The following SPRY3 variants were observed in gnomAD, a reference collection of about 807,000 sequenced individuals.
The protein encoded by SPRY3 is sprouty RTK signaling antagonist 3.
SPRY3 carries 15 observed loss-of-function variants against 20.2 expected under a neutral mutation model. The observed-to-expected ratio is 0.74, with a 90% CI of 0.50 to 1.14. SPRY3 has a LOEUF of 1.14. Ranked by LOEUF, SPRY3 falls within the 50% of genes most tolerant of loss-of-function variation. The pLI is 0.00. For synonymous variants in SPRY3, 143 were observed against 136.5 expected, an observed-to-expected ratio of 1.05 and a Z score of -0.33; for missense variants, 364 against 363.9, an observed-to-expected ratio of 1.00 and a Z score of 0.00.
intron 2 of SPRY3, among the ~76,000 whole-genome samples, chrX:155,755,052 A>C (rs1377494978): frequency 7.0e-6 from 1 of 143,478 alleles, no homozygotes; most frequent in African/African-American, 3.0e-5. Context: ...TTTTGTGTGC[A>C]TACTCACACG....
At chrX:155,742,823 C>T (rs764159130) in intron 2 of SPRY3, among the ~76,000 whole-genome samples, 1 of 152,214 alleles carries the variant, frequency 6.6e-6, no homozygotes, top group Non-Finnish European at 1.5e-5. Flanking sequence ...ATCCCTGGGA[C>T]ACAGCTAAAG....
At chrX:155,673,644 C>A (rs1216717860) in intron 2 of SPRY3, among the ~76,000 whole-genome samples, 2 of 112,126 alleles carry the variant, frequency 1.8e-5, no homozygotes, top group African/African-American at 6.5e-5. Flanking sequence ...GCATCTCATC[C>A]ATTTCTGCCT....
At chrX:155,727,128 G>C (rs1227837570) in intron 2 of SPRY3, among the ~76,000 whole-genome samples, 1 of 152,086 alleles carries the variant, frequency 6.6e-6, no homozygotes, top group Non-Finnish European at 1.5e-5. Flanking sequence ...TTGAATACTG[G>C]CCCCTACTCC....
intron 1 of SPRY3, among the ~76,000 whole-genome samples, chrX:155,632,411 C>T (rs2067909622): frequency 9.0e-6 from 1 of 111,489 alleles, no homozygotes; most frequent in Admixed American, 9.5e-5. Context: ...ATTTAGATCA[C>T]AAGTTTACAG....
intron 2 of SPRY3, among the ~76,000 whole-genome samples, chrX:155,748,853 A>G (rs2091242970): frequency 6.6e-6 from 1 of 151,906 alleles, no homozygotes; most frequent in African/African-American, 2.4e-5. Context: ...CATGTACAGA[A>G]AATATGAATT....
chrX:155,781,650 C>T (rs182163843), downstream of SPRY3: 8 of 166,902 alleles, frequency 4.8e-5, no homozygotes, highest in South Asian at 4.2e-4. Flanking sequence ...TGTAAAATGA[C>T]GATAATAAAG....
At chrX:155,779,027 C>A (rs1208933085), downstream of SPRY3, 1 of 167,012 alleles carries the variant, frequency 6.0e-6, no homozygotes, top group Non-Finnish European at 1.5e-5. Context: ...CCTTGGCAAG[C>A]TAATTTCGCA....
In SPRY3 at chrX:155,746,600, T is replaced by G. The variant is rs191184308; in HGVS notation, c.-281-21362T>G. Among the ~76,000 whole-genome samples the G allele has an allele frequency of 4.6e-5, 7 of 152,124 alleles. No homozygotes were observed. The East Asian group carries it at 1.4e-3, about 29-fold the overall frequency. On this transcript the variant is annotated intron_variant, in intron 2 of 3. Coordinates refer to ENST00000675360, the Ensembl canonical transcript of SPRY3. ...TTTTGTTTATGTATATGTCAAGTCT[T>G]AAGATTGTTTCAATAGTGACCAGTT...
rs982029389 is a variant in SPRY3, at chrX:155,773,825, G to A, written c.-47G>A. 1.3e-6 allele frequency: 2 copies of A among 1,584,096 alleles called. No individual in the cohort carries two copies. The highest frequency in any genetic ancestry group is 1.2e-5 in the South Asian group (1 of 84,602). On this transcript the variant is annotated 5_prime_UTR_variant, in exon 4 of 4. It adds an upstream start codon to the 5' untranslated region. Transcript: ENST00000675360. ...CAAGGGCTCCTCTTTATCACCATAA[G>A]TGCCACCCTGACTTAAAACCACTCA...
At chrX:155,779,886 C>A (rs2091453347), downstream of SPRY3, 1 of 166,912 alleles carries the variant, frequency 6.0e-6, no homozygotes, top group African/African-American at 2.4e-5. Context: ...CCCATTTGGA[C>A]CTTTGGCCGA....
intron 2 of SPRY3, among the ~76,000 whole-genome samples, chrX:155,725,920 A>G (rs2091094104): frequency 6.6e-6 from 1 of 152,086 alleles, no homozygotes; most frequent in African/African-American, 2.4e-5. Flanking sequence ...TAGGATGTCA[A>G]TTTTAGATCT....
chrX:155,614,761 C>CTGTG (rs782400559), intron 1 of SPRY3, among the ~76,000 whole-genome samples: 68 of 110,227 alleles, frequency 6.2e-4, no homozygotes, highest in African/African-American at 2.1e-3. Flanking sequence ...TTTCCTCTCT[C>CTGTG]TGTGTGTGTG....
intron 2 of SPRY3, among the ~76,000 whole-genome samples, chrX:155,739,330 AG>A (rs937624431): frequency 5.5e-4 from 83 of 151,972 alleles, no homozygotes; most frequent in Non-Finnish European, 8.7e-4. Flanking sequence ...TGGAGCCCCC[AG>A]GGGGAGGGGC....
chrX:155,777,316 C>G, downstream of SPRY3: 1 of 166,914 alleles, frequency 6.0e-6, no homozygotes, highest in Admixed American at 6.6e-5. Flanking sequence ...ACACGAGCCC[C>G]TCCTCCTTGA....
exon 2 of SPRY3, chrX:155,782,405 G>A (rs1280910082): frequency 6.0e-6 from 1 of 166,894 alleles, no homozygotes; most frequent in Non-Finnish European, 1.5e-5. Context: ...CCCCCTAGGA[G>A]TCATACATCT....
intron 2 of SPRY3, among the ~76,000 whole-genome samples, chrX:155,680,145 G>GGTGTGTGTGTGT (rs774435204): frequency 0.012 from 831 of 70,299 alleles, 10 homozygotes; most frequent in East Asian, 0.055. Context: ...AAGCAATGCT[G>GGTGTGTGTGTGT]GTGTGTGTGT....
chrX:155,770,683 C>T (rs1173285922), intron 3 of SPRY3, among the ~76,000 whole-genome samples: 1 of 151,814 alleles, frequency 6.6e-6, no homozygotes, highest in Non-Finnish European at 1.5e-5. Flanking sequence ...AATTGGCCAA[C>T]TGCACAGTTT....
At chrX:155,768,075 T>G (rs1013138677) in exon 3 of SPRY3, 1 of 152,154 alleles carries the variant, frequency 6.6e-6, no homozygotes, top group Non-Finnish European at 1.5e-5. Context: ...AAGAGATCCT[T>G]TGAGCCAGAT....
intron 2 of SPRY3, among the ~76,000 whole-genome samples, chrX:155,714,992 C>A: frequency 6.6e-6 from 1 of 152,208 alleles, no homozygotes; most frequent in South Asian, 2.1e-4. Flanking sequence ...CTCTCTGGCC[C>A]AGAGCAGGTC....
Sources: allele counts gnomAD v4.1 joint callset (sites outside exome capture counted in the v4.1 genomes callset), GRCh38; gene constraint gnomAD v4.1.1; transcripts MANE v1.5; gene names NCBI Gene and HGNC (gene_info 2026-07-23, HGNC 2026-07-21).